PTPRN2: variants seen among roughly 807,000 people sequenced by gnomAD.
PTPRN2 encodes the protein receptor-type tyrosine-protein phosphatase N2.
PTPRN2 carries 74 observed loss-of-function variants against 118.8 expected under a neutral mutation model. The observed-to-expected ratio is 0.62, with a 90% CI of 0.52 to 0.76. PTPRN2 has a LOEUF of 0.76. Among genes scored for constraint, PTPRN2 ranks in the 30% least tolerant of loss-of-function variants. PTPRN2 has a pLI of 0.00. For missense variants in PTPRN2, 1,481 were observed against 1,394.4 expected, an observed-to-expected ratio of 1.06 and a Z score of -0.99; for synonymous variants, 641 against 608.0, an observed-to-expected ratio of 1.05 and a Z score of -0.80.
At chr7:158,353,282 T>C (rs1381176607) in intron 2 of PTPRN2, among the ~76,000 whole-genome samples, 1 of 152,158 alleles carries the variant, frequency 6.6e-6, no homozygotes, top group African/African-American at 2.4e-5. Flanking sequence ...CAATAGAAGT[T>C]AAGGTCAGAG....
chr7:158,026,200 C>T (rs979501053), intron 11 of PTPRN2, among the ~76,000 whole-genome samples: 2 of 152,152 alleles, frequency 1.3e-5, no homozygotes, highest in African/African-American at 4.8e-5. Context: ...GGAGTAAGTG[C>T]CTATTTAGGA....
intron 3 of PTPRN2, among the ~76,000 whole-genome samples, chr7:158,297,475 A>T (rs2151036452): frequency 6.6e-6 from 1 of 152,290 alleles, no homozygotes; most frequent in Middle Eastern, 3.4e-3. Flanking sequence ...TGACCTGGTG[A>T]GCTTGACTTG....
At chr7:158,329,011 G>A (rs1803899494) in intron 2 of PTPRN2, among the ~76,000 whole-genome samples, 1 of 151,384 alleles carries the variant, frequency 6.6e-6, no homozygotes, top group Non-Finnish European at 1.5e-5. Context: ...GGGTGTGAGT[G>A]ACATCTGCAA....
chr7:157,939,121 A>G (rs1406665866), intron 11 of PTPRN2, among the ~76,000 whole-genome samples: 1 of 152,052 alleles, frequency 6.6e-6, no homozygotes, highest in African/African-American at 2.4e-5. Flanking sequence ...ACAGTCAGAT[A>G]CAGTAAAGCA....
chr7:157,840,976 C>T (rs926565925), intron 12 of PTPRN2, among the ~76,000 whole-genome samples: 1 of 152,252 alleles, frequency 6.6e-6, no homozygotes, highest in East Asian at 1.9e-4. Flanking sequence ...CCTCTCTCAA[C>T]GTCCAGTCTG....
intron 11 of PTPRN2, among the ~76,000 whole-genome samples, chr7:158,055,497 C>A (rs548300880): frequency 6.6e-6 from 1 of 152,188 alleles, no homozygotes; most frequent in Non-Finnish European, 1.5e-5. Flanking sequence ...CGCAGTTATC[C>A]GGAGGCCTAA....
At chr7:157,969,766 A>G (rs1016874714) in intron 11 of PTPRN2, among the ~76,000 whole-genome samples, 6 of 152,004 alleles carry the variant, frequency 3.9e-5, no homozygotes, top group African/African-American at 1.2e-4. Context: ...CAAGCAGAAA[A>G]GCTCCTGAAC....
Position 158,541,696 on chromosome 7 carries a change from G to A in PTPRN2, c.112+45862C>T, listed in dbSNP as rs1253275263. The stretch of plus-strand genomic sequence containing the variant: ...GTTAATCTGTTGAAGACTTAGCTAA[G>A]TGAACTAAAGAAAATTAAAACACTT... On this transcript the variant is annotated intron_variant, in intron 1 of 22. Transcript: ENST00000389418. 4 of 1,268,540 alleles carry A rather than the reference G, an allele frequency of 3.2e-6. No individual in the cohort carries two copies. The African/African-American group carries it at 4.6e-5, about 15-fold the overall frequency. The allele number at this position is 1,268,540 out of a possible 1,614,324, so 78.6% of individuals were successfully genotyped here. A position where few individuals can be genotyped will look rare whatever the true frequency, so the allele number is the denominator to read the frequency against.
At chr7:157,777,603 G>C (rs1803412689) in intron 12 of PTPRN2, among the ~76,000 whole-genome samples, 1 of 152,242 alleles carries the variant, frequency 6.6e-6, no homozygotes, top group African/African-American at 2.4e-5. Context: ...GGGCAGTCCC[G>C]CTGCATCAGG....
At chr7:158,156,483 G>A (rs769901397) in intron 6 of PTPRN2, among the ~76,000 whole-genome samples, 10 of 152,272 alleles carry the variant, frequency 6.6e-5, no homozygotes, top group African/African-American at 1.9e-4. Flanking sequence ...TTGGGACTTC[G>A]GAGCTGCCCA....
chr7:158,197,188 G>T (rs188588765), intron 4 of PTPRN2, among the ~76,000 whole-genome samples: 1 of 152,328 alleles, frequency 6.6e-6, no homozygotes, highest in East Asian at 1.9e-4. Context: ...CTTTGCAGGT[G>T]CTGAGTGAGG....
At position 158,222,768 on chromosome 7, in the gene PTPRN2, G is replaced by A. The variant is rs545822999; in HGVS notation, c.278-17495C>T. Among the ~76,000 whole-genome samples, 16 of 152,116 alleles carry A rather than the reference G, an allele frequency of 1.1e-4. No individual in the cohort carries two copies. The East Asian group carries it at 1.9e-3, about 18-fold the overall frequency. ...CAAATCAATAATCTGAATTCTTTAAGAATCTGTAATAAAGGAGAACACAAT... is the reference window on the plus strand; with the variant it reads ...CAAATCAATAATCTGAATTCTTTAAAAATCTGTAATAAAGGAGAACACAAT... On this transcript the variant is annotated intron_variant, in intron 3 of 22. Coordinates refer to ENST00000389418, the MANE Select transcript of PTPRN2 (RefSeq NM_002847.5).
intron 10 of PTPRN2, among the ~76,000 whole-genome samples, chr7:158,106,695 C>G (rs1002283259): frequency 6.6e-6 from 1 of 152,178 alleles, no homozygotes; most frequent in Non-Finnish European, 1.5e-5. Flanking sequence ...CCCTGCTCCC[C>G]GAAGGTGATA....
At chr7:158,163,187 G>A (rs945370869) in intron 6 of PTPRN2, among the ~76,000 whole-genome samples, 11 of 152,194 alleles carry the variant, frequency 7.2e-5, no homozygotes, top group Admixed American at 1.3e-4. Context: ...ATGCCTGTAC[G>A]GGGTTCTCAA....
intron 17 of PTPRN2, among the ~76,000 whole-genome samples, chr7:157,578,604 A>C (rs1405519030): frequency 6.6e-6 from 1 of 152,250 alleles, no homozygotes; most frequent in Non-Finnish European, 1.5e-5. Context: ...TACTTCACGG[A>C]AAGCAGTACT....
chr7:157,952,526 T>C (rs1290150460), intron 11 of PTPRN2, among the ~76,000 whole-genome samples: 2 of 151,510 alleles, frequency 1.3e-5, no homozygotes, highest in African/African-American at 2.4e-5. Flanking sequence ...TGGTGGAACG[T>C]GGGTAGGTGA....
At chr7:158,139,720 A>G (rs1819195149) in intron 6 of PTPRN2, among the ~76,000 whole-genome samples, 2 of 152,144 alleles carry the variant, frequency 1.3e-5, no homozygotes, top group African/African-American at 4.8e-5. Flanking sequence ...CACACATGAG[A>G]ATGGAAAGGG....
chr7:157,573,452 AG>A (rs555739666), intron 19 of PTPRN2, among the ~76,000 whole-genome samples: 1 of 152,196 alleles, frequency 6.6e-6, no homozygotes, highest in Non-Finnish European at 1.5e-5. Context: ...GCAGAGACTA[AG>A]CTCAGCTTCT....
intron 14 of PTPRN2, among the ~76,000 whole-genome samples, chr7:157,641,963 T>C (rs1804693567): frequency 6.6e-6 from 1 of 152,142 alleles, no homozygotes; most frequent in Non-Finnish European, 1.5e-5. Context: ...AACTGCCCTC[T>C]GCTTCCTGAT....
Sources: allele counts gnomAD v4.1 joint callset (sites outside exome capture counted in the v4.1 genomes callset), GRCh38; gene constraint gnomAD v4.1.1; transcripts MANE v1.5; gene names NCBI Gene and HGNC (gene_info 2026-07-23, HGNC 2026-07-21).